The following CASQ2 variants were observed in gnomAD, a reference collection of about 807,000 sequenced individuals.
CASQ2 encodes calsequestrin 2, also known as calsequestrin-2.
In CASQ2, 49 loss-of-function variants were observed where a neutral mutation model predicts 46.5. That is an observed-to-expected ratio of 1.05 (90% CI 0.84 to 1.34). The LOEUF (loss-of-function observed/expected upper bound fraction) is 1.34. Ranked by LOEUF, CASQ2 falls within the 40% of genes most tolerant of loss-of-function variation. CASQ2 has a pLI of 0.00. For missense variants in CASQ2, 486 were observed against 481.3 expected (o/e 1.01, Z -0.09); for synonymous variants, 174 against 168.5 (o/e 1.03, Z -0.25).
intron 1 of CASQ2, among the ~76,000 whole-genome samples, chr1:115,763,664 T>A (rs962822423): frequency 6.6e-6 from 1 of 152,212 alleles, no homozygotes; most frequent in South Asian, 2.1e-4. Context: ...CCTCATTCAA[T>A]CCTCACAACA....
chr1:115,738,043 C>T (rs887372734), intron 4 of CASQ2, among the ~76,000 whole-genome samples, 181 bp downstream of exon 4: 6 of 152,178 alleles, frequency 3.9e-5, no homozygotes, highest in Non-Finnish European at 8.8e-5. Flanking sequence ...TGCAGCTTTC[C>T]TGACTGTTTT....
At chr1:115,744,152 A>G (rs996782990) in intron 2 of CASQ2, among the ~76,000 whole-genome samples, 1 of 151,864 alleles carries the variant, frequency 6.6e-6, no homozygotes, top group Non-Finnish European at 1.5e-5. Context: ...AAAAAAAAAA[A>G]AAAAAGAAAA....
At chr1:115,739,130 G>GTTTT (rs1570832895) in intron 3 of CASQ2, among the ~76,000 whole-genome samples, 1 of 115,272 alleles carries the variant, frequency 8.7e-6, no homozygotes, top group Non-Finnish European at 1.8e-5. Context: ...CTTTCTTTTT[G>GTTTT]AGATGGAGTC....
At chr1:115,726,889 A>G in intron 6 of CASQ2, 103 bp downstream of exon 6, 3 of 861,710 alleles carry the variant, frequency 3.5e-6, no homozygotes, top group Non-Finnish European at 5.7e-6. Flanking sequence ...CTGGGGTACT[A>G]ACTAGGTTGT....
At chr1:115,760,624 G>A (rs1648904337) in intron 1 of CASQ2, among the ~76,000 whole-genome samples, 1 of 152,184 alleles carries the variant, frequency 6.6e-6, no homozygotes, top group Non-Finnish European at 1.5e-5. Flanking sequence ...CATCTTAACA[G>A]CACTCAGAAA....
At chr1:115,702,236 A>G (rs1654225980) in intron 10 of CASQ2, among the ~76,000 whole-genome samples, 1 of 152,140 alleles carries the variant, frequency 6.6e-6, no homozygotes. Context: ...CCCCATTCTT[A>G]AGAGATTCTA....
intron 1 of CASQ2, among the ~76,000 whole-genome samples, chr1:115,757,927 C>A (rs1003971365): frequency 6.6e-6 from 1 of 152,230 alleles, no homozygotes; most frequent in Non-Finnish European, 1.5e-5. Flanking sequence ...CTCCATCCAA[C>A]CATCCAGCAA....
intron 8 of CASQ2, among the ~76,000 whole-genome samples, chr1:115,714,376 T>A (rs1175929384): frequency 6.6e-6 from 1 of 152,196 alleles, no homozygotes; most frequent in Non-Finnish European, 1.5e-5. Flanking sequence ...AAAACTCACG[T>A]TCCTCATCTG....
At chr1:115,724,619 C>T (rs909059574) in intron 7 of CASQ2, among the ~76,000 whole-genome samples, 9 of 152,212 alleles carry the variant, frequency 5.9e-5, no homozygotes, top group Non-Finnish European at 1.0e-4. Flanking sequence ...CTCCAAGGCC[C>T]TCTATCTAAC....
intron 1 of CASQ2, among the ~76,000 whole-genome samples, chr1:115,766,130 G>A (rs755430305): frequency 1.3e-5 from 2 of 152,070 alleles, no homozygotes; most frequent in African/African-American, 2.4e-5. Flanking sequence ...TGTACTTCTC[G>A]GCCATGCTGG....
intron 1 of CASQ2, among the ~76,000 whole-genome samples, chr1:115,758,385 A>G (rs1190336406): frequency 6.6e-6 from 1 of 152,184 alleles, no homozygotes; most frequent in Non-Finnish European, 1.5e-5. Context: ...TTCAACATTC[A>G]TTTGACAAAT....
intron 1 of CASQ2, among the ~76,000 whole-genome samples, chr1:115,754,282 G>A (rs1254413651): frequency 6.6e-6 from 1 of 152,156 alleles, no homozygotes; most frequent in African/African-American, 2.4e-5. Context: ...GGCTGGAATA[G>A]GTGGCCTCTG....
intron 8 of CASQ2, among the ~76,000 whole-genome samples, chr1:115,709,090 T>G (rs1335833257): frequency 6.6e-6 from 1 of 152,220 alleles, no homozygotes; most frequent in African/African-American, 2.4e-5. Context: ...CAGCCTTGAG[T>G]GCAGACCTGT....
At chr1:115,719,667 A>G (rs565876510) in intron 7 of CASQ2, among the ~76,000 whole-genome samples, 36 of 152,268 alleles carry the variant, frequency 2.4e-4, no homozygotes, top group Non-Finnish European at 4.4e-4. Context: ...GGTGCCAGGC[A>G]TTTTCAAGTA....
chr1:115,741,033 T>A (rs905059424), intron 2 of CASQ2, among the ~76,000 whole-genome samples: 11 of 152,222 alleles, frequency 7.2e-5, no homozygotes, highest in Non-Finnish European at 1.2e-4. Flanking sequence ...TCCAGAACAA[T>A]TCCAGCTGGA....
At chr1:115,709,869 G>T (rs1485986973) in intron 8 of CASQ2, among the ~76,000 whole-genome samples, 2 of 152,130 alleles carry the variant, frequency 1.3e-5, no homozygotes, top group African/African-American at 2.4e-5. Flanking sequence ...TTGAGATGGA[G>T]TCTTGCTCTG....
rs771682039 is a variant in CASQ2 at position 115,701,277 on chromosome 1, C to G, written c.1164G>C (p.Glu388Asp). ...DDDDDDNSDE[E>D]DNDDSDDDDD... ...CATCGTCATCACTGTCATCATTATC[C>G]TCTTCATCAGAATTATCATCATCAT... The change falls in exon 11 of 11, where the codon GAG (glutamate) becomes GAC (aspartate). Residue 388 changes from glutamate to aspartate, a missense_variant. Physicochemically the swap from Glu to Asp is conservative, Grantham distance 45. Transcript: ENST00000261448. 1 of 1,603,264 alleles carries G rather than the reference C, an allele frequency of 6.2e-7. No homozygotes were observed. The highest frequency in any genetic ancestry group is 8.5e-7 in the Non-Finnish European group (1 of 1,170,460).
chr1:115,756,786 A>C (rs1648777646), intron 1 of CASQ2, among the ~76,000 whole-genome samples: 1 of 152,044 alleles, frequency 6.6e-6, no homozygotes, highest in Admixed American at 6.6e-5. Context: ...GTATCTACTA[A>C]AAATACAAAA....
chr1:115,742,343 G>A (rs1177630813), intron 2 of CASQ2, among the ~76,000 whole-genome samples: 3 of 152,146 alleles, frequency 2.0e-5, no homozygotes, highest in African/African-American at 7.2e-5. Flanking sequence ...ATTGGCCAGT[G>A]TCCTGCTGTT....
Sources: gnomAD v4.1 joint callset for allele counts (sites outside exome capture counted in the v4.1 genomes callset) on GRCh38, gnomAD v4.1.1 for gene constraint, MANE v1.5 for transcripts, NCBI Gene and HGNC (gene_info 2026-07-23, HGNC 2026-07-21) for gene names.